The following HSD17B12 variants were observed in gnomAD, a reference collection of about 807,000 sequenced individuals.
HSD17B12 encodes the protein hydroxysteroid 17-beta dehydrogenase 12, also known as very-long-chain 3-oxoacyl-CoA reductase.
Under a neutral mutation model 39.3 loss-of-function variants are expected in HSD17B12, and 32 were observed. That is an observed-to-expected ratio of 0.81 (90% CI 0.61 to 1.09). The LOEUF (loss-of-function observed/expected upper bound fraction) is 1.09, where lower values mean the gene tolerates loss of function less well. Among genes scored for constraint, HSD17B12 ranks in the 50% least tolerant of loss-of-function variants. The pLI is 0.00. For missense variants in HSD17B12, 342 were observed against 382.9 expected (o/e 0.89, Z 0.89); for synonymous variants, 150 against 146.7 (o/e 1.02, Z -0.16).
chr11:43,686,040 T>G (rs1949795441), intron 1 of HSD17B12, among the ~76,000 whole-genome samples: 1 of 152,230 alleles, frequency 6.6e-6, no homozygotes, highest in Admixed American at 6.5e-5. Flanking sequence ...GCAAAGGGTT[T>G]GACAGTCATC....
At chr11:43,795,820 G>A (rs115794836) in intron 3 of HSD17B12, among the ~76,000 whole-genome samples, 2,060 of 152,238 alleles carry the variant, frequency 0.014, 38 homozygotes, top group African/African-American at 0.047. Context: ...ATATAGACAA[G>A]CATGTACATT....
the HSD17B12 span, chr11:43,579,063 C>T: frequency 1.2e-5 from 1 of 86,846 alleles, no homozygotes; most frequent in South Asian, 3.7e-4. Flanking sequence ...ACGTCCCCTA[C>T]ATGGGAGATG....
At chr11:43,791,813 T>G (rs1372097686) in intron 3 of HSD17B12, among the ~76,000 whole-genome samples, 1 of 152,214 alleles carries the variant, frequency 6.6e-6, no homozygotes, top group Non-Finnish European at 1.5e-5. Flanking sequence ...GTTGTTCTAG[T>G]TAAAGAGGCT....
chr11:43,580,965 G>T, the HSD17B12 span, among the ~76,000 whole-genome samples: 4 of 152,030 alleles, frequency 2.6e-5, no homozygotes, highest in Non-Finnish European at 4.4e-5. Flanking sequence ...TGGAACCTTG[G>T]CTGGGGGACT....
At chr11:43,583,852 C>T in the HSD17B12 span, among the ~76,000 whole-genome samples, 1 of 152,134 alleles carries the variant, frequency 6.6e-6, no homozygotes, top group South Asian at 2.1e-4. Flanking sequence ...CCTCCTCACC[C>T]CAGGCTACTC....
At chr11:43,743,668 A>G (rs1950388311) in intron 1 of HSD17B12, among the ~76,000 whole-genome samples, 1 of 152,206 alleles carries the variant, frequency 6.6e-6, no homozygotes, top group Non-Finnish European at 1.5e-5. Flanking sequence ...ATGCTTTTTA[A>G]GAGACACTGA....
intron 9 of HSD17B12, among the ~76,000 whole-genome samples, chr11:43,842,795 G>C (rs1284627670): frequency 2.6e-5 from 4 of 152,206 alleles, no homozygotes; most frequent in African/African-American, 9.7e-5. Context: ...AAGGTCCATT[G>C]GTGATTGACT....
the HSD17B12 span, among the ~76,000 whole-genome samples, chr11:43,619,845 G>A: frequency 1.3e-5 from 2 of 152,172 alleles, no homozygotes; most frequent in African/African-American, 4.8e-5. Flanking sequence ...AGTTACTACC[G>A]AAGCTCATCT....
chr11:43,671,528 T>A, the HSD17B12 span, among the ~76,000 whole-genome samples: 2 of 152,258 alleles, frequency 1.3e-5, no homozygotes, highest in Non-Finnish European at 2.9e-5. Context: ...CACTAATTCC[T>A]TTCTTTAAGC....
the HSD17B12 span, among the ~76,000 whole-genome samples, chr11:43,671,062 A>G: frequency 7.2e-5 from 11 of 152,166 alleles, no homozygotes; most frequent in Non-Finnish European, 4.4e-5. Flanking sequence ...ATTCCGCTAT[A>G]TTATTTGCCT....
the HSD17B12 span, among the ~76,000 whole-genome samples, chr11:43,636,474 T>C: frequency 6.6e-6 from 1 of 152,174 alleles, no homozygotes; most frequent in Non-Finnish European, 1.5e-5. Context: ...ATAGAGGATA[T>C]ATTAAATTCT....
At chr11:43,836,244 T>C (rs1951369549) in intron 7 of HSD17B12, among the ~76,000 whole-genome samples, 1 of 152,152 alleles carries the variant, frequency 6.6e-6, no homozygotes, top group African/African-American at 2.4e-5. Context: ...TCAAACTAGT[T>C]GTGTCTTCAC....
At chr11:43,646,493 T>TA in the HSD17B12 span, 2 of 152,228 alleles carry the variant, frequency 1.3e-5, no homozygotes, top group African/African-American at 4.8e-5. Context: ...TGTAGATGTG[T>TA]AGAATCATTT....
At chr11:43,691,818 T>G (rs2134783676) in intron 1 of HSD17B12, among the ~76,000 whole-genome samples, 1 of 152,316 alleles carries the variant, frequency 6.6e-6, no homozygotes, top group East Asian at 1.9e-4. Flanking sequence ...CTTTCCTGCT[T>G]CTTGCAGCCT....
At chr11:43,670,535 A>G in the HSD17B12 span, 3 of 152,158 alleles carry the variant, frequency 2.0e-5, no homozygotes, top group Admixed American at 2.0e-4. Flanking sequence ...TCATTATATT[A>G]TGCTTTATAT....
intron 4 of HSD17B12, among the ~76,000 whole-genome samples, chr11:43,806,673 G>A (rs1034668068): frequency 6.6e-6 from 1 of 152,102 alleles, no homozygotes; most frequent in Non-Finnish European, 1.5e-5. Flanking sequence ...GTAGATTGGT[G>A]GTTACCAAAG....
chr11:43,786,477 C>T (rs759883752), intron 3 of HSD17B12, among the ~76,000 whole-genome samples: 12 of 152,130 alleles, frequency 7.9e-5, no homozygotes, highest in Non-Finnish European at 1.6e-4. Flanking sequence ...CAGTTTTACC[C>T]ACCATTGCTT....
chr11:43,773,786 A>G (rs532972875), intron 3 of HSD17B12, among the ~76,000 whole-genome samples: 2 of 152,266 alleles, frequency 1.3e-5, no homozygotes, highest in African/African-American at 4.8e-5. Context: ...TGTATATACC[A>G]CCTACAAAAT....
At chr11:43,847,915 A>G (rs1951493129) in intron 9 of HSD17B12, among the ~76,000 whole-genome samples, 1 of 152,148 alleles carries the variant, frequency 6.6e-6, no homozygotes, top group Non-Finnish European at 1.5e-5. Flanking sequence ...AGAAAACACA[A>G]TTTAAGAATT....
Sources: allele counts gnomAD v4.1 joint callset (sites outside exome capture counted in the v4.1 genomes callset), GRCh38; gene constraint gnomAD v4.1.1; transcripts MANE v1.5; gene names NCBI Gene and HGNC (gene_info 2026-07-23, HGNC 2026-07-21).